LINGO2: variants seen among roughly 807,000 people sequenced by gnomAD.
LINGO2 encodes the protein leucine rich repeat and Ig domain containing 2.
Under a neutral mutation model 30.6 loss-of-function variants are expected in LINGO2, and 14 were observed. That is an observed-to-expected ratio of 0.46 (90% confidence interval 0.30 to 0.72). The LOEUF is 0.72. Among genes scored for constraint, LINGO2 ranks in the 30% least tolerant of loss-of-function variants. The pLI, the probability that LINGO2 is intolerant of heterozygous loss-of-function variation, is 0.07. For synonymous variants in LINGO2, 317 were observed against 288.5 expected (o/e 1.10, Z -1.00); for missense variants, 729 against 751.7 (o/e 0.97, Z 0.35).
Position 28,211,930 on chromosome 9 carries a change from T to C in LINGO2, c.-87+83278A>G, listed in dbSNP as rs192256689. Among the ~76,000 whole-genome samples the C allele has an allele frequency of 8.6e-3, 1,289 of 149,956 alleles. 26 individuals carry two copies. Among genetic ancestry groups the C allele is most frequent in the African/African-American group, 0.029 (1,200 of 41,140 alleles). On this transcript the variant is annotated intron_variant, in intron 4 of 5. Transcript: ENST00000379992. ...TCTGCTTTGCATTCTCATGCTTAAT[T>C]TTTTTTTTTATCGATTACTTTCAGT...
chr9:28,850,363 T>C, the LINGO2 span, among the ~76,000 whole-genome samples: 1 of 151,872 alleles, frequency 6.6e-6, no homozygotes, highest in Non-Finnish European at 1.5e-5. Flanking sequence ...AAATGCACAC[T>C]CCTGGTTCCG....
At chr9:28,442,598 A>G (rs2135024865) in intron 2 of LINGO2, among the ~76,000 whole-genome samples, 1 of 152,272 alleles carries the variant, frequency 6.6e-6, no homozygotes, top group Admixed American at 6.5e-5. Context: ...GGCCAAAGGA[A>G]CATATACTTC....
intron 1 of LINGO2, among the ~76,000 whole-genome samples, chr9:28,541,486 CAA>C (rs1821696456): frequency 1.3e-5 from 2 of 152,184 alleles, no homozygotes; most frequent in East Asian, 3.9e-4. Flanking sequence ...AATAGAAAAA[CAA>C]GAGCAATTTT....
At chr9:29,106,294 T>C in the LINGO2 span, among the ~76,000 whole-genome samples, 1 of 152,272 alleles carries the variant, frequency 6.6e-6, no homozygotes, top group African/African-American at 2.4e-5. Flanking sequence ...GTGCTGTCAC[T>C]TACATTTGGG....
intron 1 of LINGO2, among the ~76,000 whole-genome samples, chr9:28,619,395 C>A (rs1587970261): frequency 6.6e-6 from 1 of 152,178 alleles, no homozygotes; most frequent in African/African-American, 2.4e-5. Flanking sequence ...GTTATTTCTA[C>A]CACTTGCTGA....
At chr9:28,632,438 A>G (rs1343763600) in intron 1 of LINGO2, among the ~76,000 whole-genome samples, 4 of 151,544 alleles carry the variant, frequency 2.6e-5, no homozygotes, top group Non-Finnish European at 5.9e-5. Context: ...ACAAGAGGAT[A>G]TTCATAAAAT....
At chr9:28,489,146 C>T (rs72713549) in intron 1 of LINGO2, among the ~76,000 whole-genome samples, 3,320 of 152,232 alleles carry the variant, frequency 0.022, 61 homozygotes, top group Middle Eastern at 0.065. Flanking sequence ...TTGTCAGTTT[C>T]CAGAATACTG....
chr9:29,128,798 T>C, the LINGO2 span, among the ~76,000 whole-genome samples: 1 of 152,096 alleles, frequency 6.6e-6, no homozygotes, highest in Non-Finnish European at 1.5e-5. Flanking sequence ...TGTGTATATA[T>C]GACTAGATGT....
Position 28,199,354 on chromosome 9 carries a change from T to C in LINGO2, c.-87+95854A>G, listed in dbSNP as rs941758082. ...CTTCTTCTTCTTCTTCTTTTTTTTT[T>C]TTTGAGACGGAGTCTCGCTCTGTCG... On this transcript the variant is annotated intron_variant, in intron 4 of 5. Coordinates refer to ENST00000379992, the Ensembl canonical transcript of LINGO2. Among the ~76,000 whole-genome samples, 30 of 150,956 alleles carry C rather than the reference T, an allele frequency of 2.0e-4. 1 individual carries two copies. Among genetic ancestry groups the C allele is most frequent in the Non-Finnish European group, 1.5e-5 (1 of 67,528 alleles).
chr9:28,569,581 C>A (rs1823569775), intron 1 of LINGO2, among the ~76,000 whole-genome samples: 1 of 144,280 alleles, frequency 6.9e-6, no homozygotes, highest in African/African-American at 2.6e-5. Flanking sequence ...TTGAAAAAGT[C>A]AAAATCATAG....
the LINGO2 span, among the ~76,000 whole-genome samples, chr9:28,844,528 A>G: frequency 1.3e-5 from 2 of 151,862 alleles, no homozygotes; most frequent in Non-Finnish European, 2.9e-5. Context: ...TCTTTAAAAT[A>G]CTAACTTTAA....
rs116632036 is a variant in LINGO2 at position 28,338,470 on chromosome 9, G to A, written c.-246+34366C>T. Among the ~76,000 whole-genome samples, 724 of 152,252 alleles carry A rather than the reference G, an allele frequency of 4.8e-3. 9 individuals are homozygous for A. Among genetic ancestry groups the A allele is most frequent in the African/African-American group, 0.017 (691 of 41,544 alleles). The stretch of plus-strand genomic sequence containing the variant: ...TTAAGACTTTGGGGAACTGTTGGAA[G>A]GCCATGATTGTCTTTTGAAATGTGA... On this transcript the variant is annotated intron_variant, in intron 3 of 5. Transcript: ENST00000379992.
chr9:28,262,561 T>C (rs1162720673), intron 4 of LINGO2, among the ~76,000 whole-genome samples: 2 of 152,004 alleles, frequency 1.3e-5, no homozygotes, highest in African/African-American at 4.8e-5. Flanking sequence ...CAGTGGTAAA[T>C]TCTTTATTGG....
chr9:29,119,301 G>T, the LINGO2 span, among the ~76,000 whole-genome samples: 3 of 152,004 alleles, frequency 2.0e-5, no homozygotes, highest in Non-Finnish European at 4.4e-5. Context: ...TGTGATAAAG[G>T]GTTAATATTC....
chr9:28,291,329 C>CA, intron 4 of LINGO2, among the ~76,000 whole-genome samples: 1 of 152,246 alleles, frequency 6.6e-6, no homozygotes, highest in East Asian at 1.9e-4. Context: ...AGAGCTGGGC[C>CA]ACTCTCATTT....
chr9:27,991,410 C>T (rs1451730806), intron 5 of LINGO2, among the ~76,000 whole-genome samples: 1 of 151,998 alleles, frequency 6.6e-6, no homozygotes, highest in African/African-American at 2.4e-5. Flanking sequence ...ATTCCATAAG[C>T]CCTGGCAATC....
chr9:28,004,041 T>G (rs1259289030), intron 5 of LINGO2, among the ~76,000 whole-genome samples: 1 of 152,218 alleles, frequency 6.6e-6, no homozygotes, highest in African/African-American at 2.4e-5. Flanking sequence ...TGACATGCTT[T>G]CTTTTTAAGA....
chr9:28,759,657 G>A, the LINGO2 span, among the ~76,000 whole-genome samples: 1 of 151,644 alleles, frequency 6.6e-6, no homozygotes, highest in African/African-American at 2.4e-5. Flanking sequence ...ACTCCAGCCT[G>A]GGCGATAGAG....
chr9:28,613,362 T>G (rs1387858629), intron 1 of LINGO2, among the ~76,000 whole-genome samples: 1 of 151,914 alleles, frequency 6.6e-6, no homozygotes, highest in Admixed American at 6.6e-5. Context: ...ACACAAATAG[T>G]AGAATATGTG....
Sources: gnomAD v4.1 joint callset for allele counts (sites outside exome capture counted in the v4.1 genomes callset) on GRCh38, gnomAD v4.1.1 for gene constraint, MANE v1.5 for transcripts, NCBI Gene and HGNC (gene_info 2026-07-23, HGNC 2026-07-21) for gene names.